TNRC6A: variants seen among roughly 807,000 people sequenced by gnomAD.
The protein encoded by TNRC6A is trinucleotide repeat-containing gene 6A protein.
A neutral mutation model predicts 221.2 loss-of-function variants in TNRC6A; 44 were observed. That is an observed-to-expected ratio of 0.20 (90% confidence interval 0.16 to 0.26). The LOEUF (loss-of-function observed/expected upper bound fraction) is 0.26, where lower values mean the gene tolerates loss of function less well. Among genes scored for constraint, TNRC6A ranks in the 10% least tolerant of loss-of-function variants. The pLI is 1.00. For missense variants in TNRC6A, 2,199 were observed against 2,404.4 expected (o/e 0.91, Z 1.79); for synonymous variants, 847 against 838.5 (o/e 1.01, Z -0.18).
intron 5 of TNRC6A, among the ~76,000 whole-genome samples, chr16:24,785,536 G>C (rs747753117): frequency 6.6e-6 from 1 of 152,118 alleles, no homozygotes; most frequent in African/African-American, 2.4e-5. Context: ...AAAGGAAATT[G>C]TTTTTTCATG....
At chr16:24,754,720 T>C (rs1019801305) in intron 3 of TNRC6A, among the ~76,000 whole-genome samples, 4 of 152,134 alleles carry the variant, frequency 2.6e-5, no homozygotes, top group Non-Finnish European at 5.9e-5. Flanking sequence ...AGGGGTAGTT[T>C]AGTGTAACCT....
chr16:24,798,630 C>A (rs1237961110), intron 11 of TNRC6A, among the ~76,000 whole-genome samples: 2 of 152,056 alleles, frequency 1.3e-5, no homozygotes, highest in African/African-American at 4.8e-5. Flanking sequence ...AAGCTCCAAA[C>A]CAAGACAGTA....
At chr16:24,612,042 C>T (rs1382320064) in intron 1 of TNRC6A, among the ~76,000 whole-genome samples, 5 of 152,020 alleles carry the variant, frequency 3.3e-5, no homozygotes, top group African/African-American at 9.7e-5. Flanking sequence ...TGCAGTGAGC[C>T]GAGATCATGC....
rs772980764 is a variant in TNRC6A at position 24,795,900 on chromosome 16, C to G, written c.3529-7C>G. 5 of 1,596,024 alleles carry G rather than the reference C, an allele frequency of 3.1e-6. No individual in the cohort carries two copies. The highest frequency in any genetic ancestry group is 4.3e-6 in the Non-Finnish European group (5 of 1,168,320). ...ATGCTGTTTTGTGACTTTGTCTTTCCTTACAGGGTCTGAGTGGCAAAAAAA... is the reference window on the plus strand; with the variant it reads ...ATGCTGTTTTGTGACTTTGTCTTTCGTTACAGGGTCTGAGTGGCAAAAAAA... On this transcript the variant is annotated splice_polypyrimidine_tract_variant and splice_region_variant and intron_variant, in intron 8 of 24. Transcript: ENST00000395799.
intron 2 of TNRC6A, among the ~76,000 whole-genome samples, chr16:24,704,664 C>CAAAAAAAAAAA (rs58926085): frequency 1.9e-3 from 135 of 69,442 alleles, no homozygotes; most frequent in Non-Finnish European, 2.7e-3. Flanking sequence ...GACTCCGTCT[C>CAAAAAAAAAAA]AAAAAAAAAA....
chr16:24,717,968 AG>A (rs1295018976), intron 2 of TNRC6A, among the ~76,000 whole-genome samples: 1 of 151,760 alleles, frequency 6.6e-6, no homozygotes, highest in African/African-American at 2.4e-5. Flanking sequence ...TAGTAGAGAC[AG>A]GGTTTCCCAT....
intron 2 of TNRC6A, among the ~76,000 whole-genome samples, chr16:24,736,401 C>T (rs1413263603): frequency 1.3e-5 from 2 of 152,130 alleles, no homozygotes; most frequent in African/African-American, 4.8e-5. Flanking sequence ...TGTCTGGTCC[C>T]TATTCAGATT....
At chr16:24,806,511 ATG>A (rs1178246847) in intron 16 of TNRC6A, 61 bp from the exon 17 acceptor site, 13 of 1,575,884 alleles carry the variant, frequency 8.2e-6, no homozygotes, top group Non-Finnish European at 8.7e-6. Flanking sequence ...GGAGAGGAAT[ATG>A]TAGTTTTCTG....
intron 2 of TNRC6A, among the ~76,000 whole-genome samples, chr16:24,665,531 T>C (rs2141952882): frequency 6.6e-6 from 1 of 152,340 alleles, no homozygotes; most frequent in South Asian, 2.1e-4. Flanking sequence ...TTCACAGTCA[T>C]AACAATAGTC....
At chr16:24,637,648 AG>A (rs1468636292) in intron 1 of TNRC6A, among the ~76,000 whole-genome samples, 2 of 152,236 alleles carry the variant, frequency 1.3e-5, no homozygotes, top group Non-Finnish European at 2.9e-5. Context: ...CTTTCTTAAA[AG>A]AGGACTCAGG....
At chr16:24,671,425 G>C (rs1370093667) in intron 2 of TNRC6A, among the ~76,000 whole-genome samples, 4 of 152,234 alleles carry the variant, frequency 2.6e-5, no homozygotes, top group African/African-American at 9.6e-5. Flanking sequence ...TGCTGAAGAT[G>C]CTGGTGGTGA....
At chr16:24,625,331 A>G (rs1409434343) in intron 1 of TNRC6A, among the ~76,000 whole-genome samples, 2 of 152,204 alleles carry the variant, frequency 1.3e-5, no homozygotes, top group Non-Finnish European at 2.9e-5. Context: ...ACCCCATGCC[A>G]GGCCGGGTGC....
chr16:24,760,227 T>G (rs1748872112), intron 4 of TNRC6A, among the ~76,000 whole-genome samples: 1 of 152,190 alleles, frequency 6.6e-6, no homozygotes, highest in Non-Finnish European at 1.5e-5. Flanking sequence ...CTTGAATGGG[T>G]CTCTCCAAGT....
chr16:24,612,238 A>G (rs1900088150), intron 1 of TNRC6A, among the ~76,000 whole-genome samples: 1 of 152,206 alleles, frequency 6.6e-6, no homozygotes, highest in Non-Finnish European at 1.5e-5. Flanking sequence ...CTGTTCGGCA[A>G]GAAACTTTTA....
intron 22 of TNRC6A, chr16:24,821,770 G>A (rs1360863194): frequency 1.3e-5 from 5 of 392,152 alleles, no homozygotes; most frequent in African/African-American, 2.0e-5. Flanking sequence ...TACCGTTTGA[G>A]ATTATTTTAG....
At chr16:24,665,989 CA>C (rs1489187759) in intron 2 of TNRC6A, among the ~76,000 whole-genome samples, 2 of 152,088 alleles carry the variant, frequency 1.3e-5, no homozygotes, top group Non-Finnish European at 2.9e-5. Flanking sequence ...TACATGCCAG[CA>C]TAAATGGGAA....
intron 11 of TNRC6A, among the ~76,000 whole-genome samples, chr16:24,799,621 C>T (rs2058291914): frequency 6.6e-6 from 1 of 152,140 alleles, no homozygotes; most frequent in African/African-American, 2.4e-5. Flanking sequence ...AAATGCTTGG[C>T]CTATACAAAT....
At chr16:24,691,031 C>T (rs560603783) in intron 2 of TNRC6A, among the ~76,000 whole-genome samples, 83 of 152,102 alleles carry the variant, frequency 5.5e-4, no homozygotes, top group Non-Finnish European at 9.9e-4. Context: ...GGATTCGTCT[C>T]GATCTCCTGA....
In TNRC6A at chr16:24,790,881, G is replaced by C. The variant is rs1490234886; in HGVS notation, c.2239G>C (p.Asp747His). 1.2e-6 allele frequency: 2 copies of C among 1,614,008 alleles called. No homozygotes were observed. Among genetic ancestry groups the C allele is most frequent in the Non-Finnish European group, 1.7e-6 (2 of 1,180,044 alleles). ...ATCACCTAGAGGGGAACGAAAGACTGACAATGGGACAGAGGCCTGGGGAAG... is the reference window on the plus strand; with the variant it reads ...ATCACCTAGAGGGGAACGAAAGACTCACAATGGGACAGAGGCCTGGGGAAG... ...ETSPRGERKT[D>H]NGTEAWGSSA... Residue 747 changes from aspartate (D) to histidine (H), a missense_variant, in exon 6 of 25, where the codon GAC (aspartate) becomes CAC (histidine). This residue lies in a region of TNRC6A where 1,405 missense variants were observed against 1,400.2 expected (regional missense o/e 1.00). Transcript: ENST00000395799.
Sources: gnomAD v4.1 joint callset for allele counts (sites outside exome capture counted in the v4.1 genomes callset) on GRCh38, gnomAD v4.1.1 for gene constraint, gnomAD v4.1.1 regional missense constraint, MANE v1.5 for transcripts, NCBI Gene and HGNC (gene_info 2026-07-23, HGNC 2026-07-21) for gene names.